The following RGPD4 variants were observed in gnomAD, a reference collection of about 807,000 sequenced individuals.
RGPD4 encodes the protein RANBP2 like and GRIP domain containing 4.
A neutral mutation model predicts 141.1 loss-of-function variants in RGPD4; 84 were observed. The ratio of observed to expected loss-of-function variants is 0.60; its 90% CI spans 0.50 to 0.71. The LOEUF is 0.71. RGPD4 is among the 30% of genes least tolerant of loss of function. The pLI, the probability that RGPD4 is intolerant of heterozygous loss-of-function variation, is 0.00. For synonymous variants in RGPD4, 298 were observed against 566.8 expected, an observed-to-expected ratio of 0.53 and a Z score of 6.74; for missense variants, 918 against 1,622.4, an observed-to-expected ratio of 0.57 and a Z score of 7.46.
intron 17 of RGPD4, among the ~76,000 whole-genome samples, chr2:107,863,541 G>A (rs1682629147): frequency 6.6e-6 from 1 of 150,644 alleles, no homozygotes; most frequent in Admixed American, 6.6e-5. Context: ...TGCCCAGGCT[G>A]GAGTGCAGTG....
intron 20 of RGPD4, among the ~76,000 whole-genome samples, chr2:107,878,311 A>G (rs1347042491): frequency 1.3e-5 from 2 of 151,362 alleles, no homozygotes; most frequent in African/African-American, 4.9e-5. Context: ...CCTCTCAACA[A>G]TCTTTGAAGA....
intron 7 of RGPD4, among the ~76,000 whole-genome samples, chr2:107,854,266 G>A (rs1682223046): frequency 1.3e-5 from 2 of 149,546 alleles, no homozygotes; most frequent in Admixed American, 1.3e-4. Flanking sequence ...GTTTCACCAT[G>A]TTGGCCAGGC....
rs764924355 is a variant in RGPD4 at position 107,872,043 on chromosome 2, G to T, written c.4039G>T (p.Val1347Leu). ...TGTTCCTTTACCTGATCTAGTTGAA[G>T]TATCCAGTGGTGAGGAAAATGAAAA... ...PVVPLPDLVE[V>L]SSGEENEKVV... The change falls in exon 20 of 23, where the codon GTA becomes TTA. Residue 1347 changes from valine (V) to leucine (L), a missense_variant. Physicochemically the swap from Val to Leu is conservative, Grantham distance 32. Coordinates refer to ENST00000408999, the MANE Select transcript of RGPD4 (RefSeq NM_182588.3). 2.5e-6 allele frequency: 4 copies of T among 1,611,482 alleles called. No individual in the cohort carries two copies. Among genetic ancestry groups the T allele is most frequent in the Non-Finnish European group, 3.4e-6 (4 of 1,179,834 alleles).
intron 22 of RGPD4, among the ~76,000 whole-genome samples, chr2:107,884,501 A>G (rs1675456981): frequency 4.7e-5 from 7 of 148,014 alleles, no homozygotes; most frequent in African/African-American, 1.8e-4. Context: ...TAGCAGTTCT[A>G]TATTTGGGTT....
intron 1 of RGPD4, among the ~76,000 whole-genome samples, chr2:107,828,244 C>A (rs1416378515): frequency 2.2e-4 from 6 of 26,928 alleles, no homozygotes; most frequent in Admixed American, 7.3e-4. Flanking sequence ...CCTGGCCCGG[C>A]GGCGGCCTCG....
chr2:107,884,816 C>T (rs1279227235), intron 22 of RGPD4, among the ~76,000 whole-genome samples: 3 of 151,858 alleles, frequency 2.0e-5, no homozygotes, highest in Non-Finnish European at 4.4e-5. Flanking sequence ...ATTGCTGGTC[C>T]CCAATTTCTG....
chr2:107,892,540 CTG>C lies in RGPD4; in HGVS notation c.*1811_*1812del, dbSNP rs1204581058. Among the ~76,000 whole-genome samples, 2 of 134,972 alleles carry C rather than the reference CTG, an allele frequency of 1.5e-5. No homozygotes were observed. The highest frequency in any genetic ancestry group is 5.8e-5 in the African/African-American group (2 of 34,688). 88.5% of individuals were successfully genotyped at this position (134,972 alleles called of 152,430 possible). On this transcript the variant is annotated 3_prime_UTR_variant, in exon 23 of 23. Transcript: ENST00000408999. ...TAATATTTCTATTAAATATGTTTAA[CTG>C]TATATTTTTATGGCAGCTCTTTTAT... is the stretch of plus-strand genomic sequence containing the variant.
Position 107,859,773 on chromosome 2 carries a change from T to C in RGPD4, c.1686T>C (p.Thr562=), listed in dbSNP as rs757971015. Residue 562 remains threonine (T), a synonymous_variant, in exon 12 of 23, where the codon ACT becomes ACC. Transcript: ENST00000408999. ...TTTTAGTTCAGCATGAAATAAACAC[T>C]CTAAGAGCCCAGGAAAAACATGGCC... ...LRLLVQHEIN[T]LRAQEKHGLQ... The C allele has an allele frequency of 6.8e-6, 11 of 1,610,626 alleles. No homozygotes were observed. Among genetic ancestry groups the C allele is most frequent in the Non-Finnish European group, 5.9e-6 (7 of 1,179,798 alleles).
chr2:107,850,610 A>G (rs1290941977), intron 7 of RGPD4, among the ~76,000 whole-genome samples: 1 of 32,188 alleles, frequency 3.1e-5, no homozygotes, highest in Admixed American at 3.0e-4. Context: ...AGGTTCTTAT[A>G]GAAATTCTCA....
At chr2:107,849,430 G>A (rs1316693391) in intron 7 of RGPD4, among the ~76,000 whole-genome samples, 1 of 135,576 alleles carries the variant, frequency 7.4e-6, no homozygotes, top group South Asian at 2.5e-4. Flanking sequence ...GCAGTGGCAC[G>A]ATCTCGGCTC....
At chr2:107,888,784 A>G (rs1675575738) in intron 22 of RGPD4, among the ~76,000 whole-genome samples, 1 of 109,514 alleles carries the variant, frequency 9.1e-6, no homozygotes, top group Non-Finnish European at 1.8e-5. Context: ...TCAGTTTAGC[A>G]GCCTTGAGGA....
intron 1 of RGPD4, among the ~76,000 whole-genome samples, chr2:107,829,653 C>G (rs1194864925): frequency 6.6e-6 from 1 of 152,104 alleles, no homozygotes; most frequent in East Asian, 1.9e-4. Context: ...CTGTGGGCGG[C>G]GTGGCACTTG....
rs747636768 is a variant in RGPD4 at position 107,871,855 on chromosome 2, A to T, written c.3851A>T (p.His1284Leu). 2.5e-6 allele frequency: 4 copies of T among 1,611,492 alleles called. No individual in the cohort carries two copies. Among genetic ancestry groups the T allele is most frequent in the Non-Finnish European group, 8.5e-7 (1 of 1,179,870 alleles). ...AGCCCTGTGAGAAAAAATCTTTTCC[A>T]TTTTGGTGAGTCAACAACAGGATCT... Reference protein sequence around the residue: ...ASSPVRKNLFHFGESTTGSNF... With the variant: ...ASSPVRKNLFLFGESTTGSNF... Residue 1284 changes from histidine to leucine, a missense_variant, in exon 20 of 23, where the codon CAT becomes CTT. By Grantham distance (99) the His-to-Leu change is moderately conservative. Transcript: ENST00000408999.
intron 18 of RGPD4, among the ~76,000 whole-genome samples, chr2:107,866,866 A>G (rs1387686855): frequency 2.1e-5 from 3 of 146,038 alleles, no homozygotes; most frequent in Non-Finnish European, 4.5e-5. Context: ...GCCTTACATA[A>G]TTACTATGAG....
Position 107,862,957 on chromosome 2 carries a change from C to G in RGPD4, c.2394C>G (p.Pro798=), listed in dbSNP as rs758926786. ...LSPSKSYKYS[P]KTPPRWAEDQ... is the part of the protein sequence containing the mutation. ...TTTTATTTTTTTTTTAGTATTCTCC[C>G]AAAACACCACCTCGATGGGCAGAAG... The change falls in exon 17 of 23, where the codon CCC becomes CCG. Residue 798 remains proline, a synonymous_variant. Transcript: ENST00000408999. The G allele has an allele frequency of 6.2e-7, 1 of 1,600,742 alleles. No individual in the cohort carries two copies. Among genetic ancestry groups the G allele is most frequent in the Non-Finnish European group, 8.5e-7 (1 of 1,176,674 alleles).
chr2:107,849,182 G>A (rs1682045315), intron 7 of RGPD4, among the ~76,000 whole-genome samples: 5 of 73,780 alleles, frequency 6.8e-5, no homozygotes, highest in Admixed American at 5.5e-4. Flanking sequence ...AGCCTCCCGA[G>A]TAGCTGGGAC....
rs1428871298 is a variant in RGPD4 at position 107,874,778 on chromosome 2, T to A, written c.4924+1850T>A. ...GAAGACTTTAGACATGAGTAAACTG[T>A]GGCCAAGAGAGGCTATCTGATTTAC... On this transcript the variant is annotated intron_variant, in intron 20 of 22. Transcript: ENST00000408999. Among the ~76,000 whole-genome samples, 390 of 151,070 alleles carry A rather than the reference T, an allele frequency of 2.6e-3. 6 individuals are homozygous for A. Among genetic ancestry groups the A allele is most frequent in the African/African-American group, 8.8e-3 (357 of 40,794 alleles).
chr2:107,881,173 A>G (rs959162187), intron 21 of RGPD4, among the ~76,000 whole-genome samples: 6 of 149,768 alleles, frequency 4.0e-5, no homozygotes, highest in African/African-American at 1.5e-4. Context: ...AGTTATTTTC[A>G]GTAAATTGTA....
chr2:107,881,124 C>A (rs1372930423), intron 21 of RGPD4, among the ~76,000 whole-genome samples: 2 of 149,560 alleles, frequency 1.3e-5, no homozygotes, highest in Non-Finnish European at 3.0e-5. Flanking sequence ...TGTGCAAGGC[C>A]ACTAGCTATC....
Sources: gnomAD v4.1 joint callset for allele counts (sites outside exome capture counted in the v4.1 genomes callset) on GRCh38, gnomAD v4.1.1 for gene constraint, MANE v1.5 for transcripts, NCBI Gene and HGNC (gene_info 2026-07-23, HGNC 2026-07-21) for gene names.